DCDC2: variants seen among roughly 807,000 people sequenced by gnomAD.
DCDC2 encodes doublecortin domain containing 2, also known as doublecortin domain-containing protein 2.
Under a neutral mutation model 50.2 loss-of-function variants are expected in DCDC2, and 40 were observed. The observed-to-expected ratio is 0.80, with a 90% CI of 0.62 to 1.04. The LOEUF (loss-of-function observed/expected upper bound fraction) is 1.04. DCDC2 is among the 50% of genes least tolerant of loss of function. The probability of loss-of-function intolerance (pLI) is 0.00; values close to 1 mark genes in which losing one functional copy is unlikely to be tolerated. For missense variants in DCDC2, 570 were observed against 581.9 expected (o/e 0.98, Z 0.21); for synonymous variants, 234 against 210.6 (o/e 1.11, Z -0.96).
At chr6:24,303,412 AC>A (rs1759418313) in intron 2 of DCDC2, among the ~76,000 whole-genome samples, 1 of 151,974 alleles carries the variant, frequency 6.6e-6, no homozygotes, top group African/African-American at 2.4e-5. Context: ...CATTCCCAAA[AC>A]ATCCCCTGCA....
chr6:24,217,545 T>G (rs1316769520), intron 7 of DCDC2, among the ~76,000 whole-genome samples: 1 of 152,146 alleles, frequency 6.6e-6, no homozygotes, highest in Non-Finnish European at 1.5e-5. Flanking sequence ...AATGTGCAAA[T>G]CAGTGCAAAT....
chr6:24,285,961 T>G (rs551191245), intron 6 of DCDC2, among the ~76,000 whole-genome samples: 1 of 152,322 alleles, frequency 6.6e-6, no homozygotes, highest in Admixed American at 6.5e-5. Context: ...CAGAAGGGAT[T>G]CTGCTACAAA....
At chr6:24,325,061 A>G (rs1037665259) in intron 2 of DCDC2, among the ~76,000 whole-genome samples, 18 of 152,278 alleles carry the variant, frequency 1.2e-4, no homozygotes, top group African/African-American at 4.1e-4. Flanking sequence ...CAGCCTGCCT[A>G]CCACAGAGAA....
chr6:24,298,079 G>A (rs551390323), intron 4 of DCDC2, among the ~76,000 whole-genome samples: 41 of 152,334 alleles, frequency 2.7e-4, no homozygotes, highest in African/African-American at 7.7e-4. Flanking sequence ...AGTGGGGGAC[G>A]GGATGGTTAT....
chr6:24,226,814 T>G (rs555015677), intron 7 of DCDC2, among the ~76,000 whole-genome samples: 34 of 152,302 alleles, frequency 2.2e-4, no homozygotes, highest in African/African-American at 7.9e-4. Flanking sequence ...ACTCCGAGGT[T>G]TCTCACTTAG....
At chr6:24,379,575 C>T in the DCDC2 span, among the ~76,000 whole-genome samples, 1 of 152,170 alleles carries the variant, frequency 6.6e-6, no homozygotes, top group Non-Finnish European at 1.5e-5. Flanking sequence ...AATAGGAATG[C>T]TTTTACACTG....
intron 2 of DCDC2, among the ~76,000 whole-genome samples, chr6:24,304,795 G>A (rs780296271): frequency 4.6e-5 from 7 of 152,174 alleles, no homozygotes; most frequent in Non-Finnish European, 1.0e-4. Context: ...ACTTACAAGT[G>A]AGGGTTATAT....
intron 2 of DCDC2, among the ~76,000 whole-genome samples, chr6:24,345,266 C>T (rs374417662): frequency 1.3e-5 from 2 of 152,184 alleles, no homozygotes; most frequent in South Asian, 2.1e-4. Flanking sequence ...TCTAGAATCC[C>T]GTTCCCAACC....
rs793846 is a variant in DCDC2, at chr6:24,189,486, A to G, written c.1024-10854T>C. Among the ~76,000 whole-genome samples the G allele has an allele frequency of 6.8e-3, 1,032 of 152,322 alleles. 7 individuals carry two copies. Among genetic ancestry groups the G allele is most frequent in the African/African-American group, 0.022 (930 of 41,578 alleles). Reference sequence around the variant, plus strand: ...ATATCACACCTCTGACAGTAACAGCAGCAACAAAAATTAAAAACGGGGAAA... The same window carrying G: ...ATATCACACCTCTGACAGTAACAGCGGCAACAAAAATTAAAAACGGGGAAA... On this transcript the variant is annotated intron_variant, in intron 8 of 9. Coordinates refer to ENST00000378454, the MANE Select transcript of DCDC2 (RefSeq NM_016356.5).
intron 7 of DCDC2, among the ~76,000 whole-genome samples, chr6:24,240,213 GC>G (rs1762535331): frequency 6.6e-6 from 1 of 152,054 alleles, no homozygotes; most frequent in African/African-American, 2.4e-5. Context: ...CTGAAAATCA[GC>G]CCTGATTATT....
chr6:24,318,978 T>C (rs866910960), intron 2 of DCDC2, among the ~76,000 whole-genome samples: 2 of 152,118 alleles, frequency 1.3e-5, no homozygotes, highest in African/African-American at 4.8e-5. Flanking sequence ...TGAATGGTAG[T>C]TCTATTTTTA....
chr6:24,382,009 A>AAGGAAGGAAGGAAGGAAGGCAGGC, the DCDC2 span, among the ~76,000 whole-genome samples: 68 of 116,490 alleles, frequency 5.8e-4, no homozygotes, highest in East Asian at 5.8e-3. Context: ...GGAAGGAAGG[A>AAGGAAGGAAGGAAGGAAGGCAGGC]AGGCAGGCAA....
chr6:24,329,938 GC>G (rs1759937286), intron 2 of DCDC2, among the ~76,000 whole-genome samples: 1 of 152,048 alleles, frequency 6.6e-6, no homozygotes, highest in South Asian at 2.1e-4. Flanking sequence ...ATTTAAGAAA[GC>G]AAGTCTCTTA....
chr6:24,277,263 G>A (rs1763380399), intron 7 of DCDC2, among the ~76,000 whole-genome samples: 1 of 63,392 alleles, frequency 1.6e-5, no homozygotes, highest in Non-Finnish European at 4.1e-5. Flanking sequence ...AGTCCCACGG[G>A]TGGGGTGTGG....
intron 2 of DCDC2, among the ~76,000 whole-genome samples, chr6:24,305,446 A>G (rs1198359877): frequency 6.6e-6 from 1 of 152,242 alleles, no homozygotes; most frequent in Non-Finnish European, 1.5e-5. Context: ...AAACAAAAAG[A>G]TAATTATAAA....
At position 24,252,695 on chromosome 6, in the gene DCDC2, C is replaced by G. The variant is rs570552762; in HGVS notation, c.922+25354G>C. Among the ~76,000 whole-genome samples, 23 of 152,294 alleles carry G rather than the reference C, an allele frequency of 1.5e-4. No homozygotes were observed. In the South Asian group the frequency reaches 4.6e-3, roughly 30 times the overall value. On this transcript the variant is annotated intron_variant, in intron 7 of 9. Coordinates refer to ENST00000378454, the MANE Select transcript of DCDC2 (RefSeq NM_016356.5). ...AGCCAAAGTACAAAATCAAAGAAAT[C>G]TGACCTAATTGACAAATACACTGAC...
chr6:24,339,009 A>G (rs1308516271), intron 2 of DCDC2, among the ~76,000 whole-genome samples: 4 of 136,644 alleles, frequency 2.9e-5, no homozygotes, highest in East Asian at 4.0e-4. Flanking sequence ...GTACCTCTCT[A>G]CCTCCCATGC....
At chr6:24,236,695 AAAAC>A (rs562982299) in intron 7 of DCDC2, among the ~76,000 whole-genome samples, 13 of 152,272 alleles carry the variant, frequency 8.5e-5, no homozygotes, top group African/African-American at 2.2e-4. Flanking sequence ...ACAAGAAAAA[AAAAC>A]AAACAACCCC....
intron 8 of DCDC2, among the ~76,000 whole-genome samples, chr6:24,197,833 T>C (rs1241965289): frequency 6.6e-6 from 1 of 152,216 alleles, no homozygotes; most frequent in Non-Finnish European, 1.5e-5. Flanking sequence ...TCCTAGTGAC[T>C]TCTCCCCTTT....
Sources: allele counts gnomAD v4.1 joint callset (sites outside exome capture counted in the v4.1 genomes callset), GRCh38; gene constraint gnomAD v4.1.1; transcripts MANE v1.5; gene names NCBI Gene and HGNC (gene_info 2026-07-23, HGNC 2026-07-21).